DCC: variants seen among roughly 807,000 people sequenced by gnomAD.
DCC encodes the protein DCC netrin 1 receptor, also known as netrin receptor DCC.
DCC carries 58 observed loss-of-function variants against 172.5 expected under a neutral mutation model. That is an observed-to-expected ratio of 0.34 (90% confidence interval 0.27 to 0.42). The LOEUF is 0.42. Ranked by LOEUF, DCC falls within the 10% of genes least tolerant of loss-of-function variation. The pLI is 1.00. For missense variants in DCC, 1,740 were observed against 1,791.0 expected, an observed-to-expected ratio of 0.97 and a Z score of 0.51; for synonymous variants, 709 against 644.5, an observed-to-expected ratio of 1.10 and a Z score of -1.52.
chr18:53,314,556 T>C (rs1345326066), intron 13 of DCC, among the ~76,000 whole-genome samples: 2 of 152,196 alleles, frequency 1.3e-5, no homozygotes, highest in East Asian at 1.9e-4. Flanking sequence ...TCCTGCTTTA[T>C]TTACAGGGAC....
chr18:52,893,618 T>C (rs2039684979), intron 2 of DCC, among the ~76,000 whole-genome samples: 1 of 152,190 alleles, frequency 6.6e-6, no homozygotes, highest in South Asian at 2.1e-4. Flanking sequence ...TGGATGTGAA[T>C]TCTGTATTCC....
chr18:53,202,735 C>A (rs560998118), intron 9 of DCC, among the ~76,000 whole-genome samples: 3 of 152,046 alleles, frequency 2.0e-5, no homozygotes, highest in Non-Finnish European at 2.9e-5. Context: ...ATAAATGAGG[C>A]CAGAGAGAGA....
chr18:53,449,055 T>C (rs2045373037), intron 22 of DCC, among the ~76,000 whole-genome samples: 1 of 152,210 alleles, frequency 6.6e-6, no homozygotes, highest in South Asian at 2.1e-4. Context: ...AAGTATTACA[T>C]TCTTTATACA....
At chr18:52,487,456 A>G (rs2030281936) in intron 1 of DCC, among the ~76,000 whole-genome samples, 1 of 152,132 alleles carries the variant, frequency 6.6e-6, no homozygotes, top group African/African-American at 2.4e-5. Context: ...GGATGCTGTG[A>G]TTAACAATAA....
At chr18:53,317,486 T>C (rs2144815283) in intron 13 of DCC, among the ~76,000 whole-genome samples, 1 of 152,338 alleles carries the variant, frequency 6.6e-6, no homozygotes, top group East Asian at 1.9e-4. Context: ...AGGATGATGC[T>C]GGCCTCATAA....
intron 1 of DCC, among the ~76,000 whole-genome samples, chr18:52,488,378 GT>G (rs1452923002): frequency 6.6e-6 from 1 of 152,148 alleles, no homozygotes; most frequent in African/African-American, 2.4e-5. Flanking sequence ...ACGTAACTGG[GT>G]TTTTTCCTCC....
intron 7 of DCC, among the ~76,000 whole-genome samples, chr18:53,093,810 T>C (rs1429745347): frequency 1.3e-5 from 2 of 152,170 alleles, no homozygotes; most frequent in Non-Finnish European, 2.9e-5. Context: ...GAGCTTCATC[T>C]ATTAGGCATG....
chr18:52,718,976 C>G (rs1034438683), intron 1 of DCC, among the ~76,000 whole-genome samples: 10 of 152,156 alleles, frequency 6.6e-5, no homozygotes, highest in Admixed American at 6.5e-4. Flanking sequence ...ATCAAGATGT[C>G]AGCAGGTCCA....
At chr18:52,497,064 G>A (rs2144616378) in intron 1 of DCC, among the ~76,000 whole-genome samples, 1 of 151,048 alleles carries the variant, frequency 6.6e-6, no homozygotes, top group African/African-American at 2.4e-5. Context: ...GACCAGCCTG[G>A]ACAACATGAC....
chr18:53,100,095 C>T (rs1422975879), intron 7 of DCC, among the ~76,000 whole-genome samples: 2 of 151,758 alleles, frequency 1.3e-5, no homozygotes, highest in African/African-American at 4.8e-5. Context: ...TATAGGCAGG[C>T]ACCACCACGC....
intron 12 of DCC, among the ~76,000 whole-genome samples, chr18:53,272,015 G>T (rs1338939596): frequency 1.3e-5 from 2 of 152,158 alleles, no homozygotes; most frequent in Admixed American, 6.5e-5. Flanking sequence ...CAGTCAGTTT[G>T]CTGTGTTGTG....
intron 1 of DCC, among the ~76,000 whole-genome samples, chr18:52,615,683 AG>A (rs1192351570): frequency 6.6e-6 from 1 of 152,166 alleles, no homozygotes; most frequent in East Asian, 1.9e-4. Context: ...CTAATCATCA[AG>A]GAAGTTTGGT....
intron 1 of DCC, among the ~76,000 whole-genome samples, chr18:52,353,987 T>G (rs1365553064): frequency 6.6e-6 from 1 of 152,132 alleles, no homozygotes. Context: ...AAACTATAGC[T>G]TAGGAAAGAT....
intron 1 of DCC, among the ~76,000 whole-genome samples, chr18:52,671,431 A>T (rs1266750770): frequency 6.6e-6 from 1 of 151,612 alleles, no homozygotes. Flanking sequence ...TCTTTCCAAT[A>T]TGCCTTTAAA....
intron 1 of DCC, among the ~76,000 whole-genome samples, chr18:52,416,995 T>A (rs1598801343): frequency 6.6e-6 from 1 of 152,332 alleles, no homozygotes; most frequent in East Asian, 1.9e-4. Context: ...TGGCATGATT[T>A]TGCAGTGGCT....
chr18:53,234,089 A>G (rs2056163700), intron 12 of DCC, among the ~76,000 whole-genome samples: 1 of 152,250 alleles, frequency 6.6e-6, no homozygotes, highest in South Asian at 2.1e-4. Flanking sequence ...CATCTCTACT[A>G]AAAATACAAA....
At chr18:53,246,550 T>G (rs1209278368) in intron 12 of DCC, among the ~76,000 whole-genome samples, 1 of 151,874 alleles carries the variant, frequency 6.6e-6, no homozygotes, top group African/African-American at 2.4e-5. Flanking sequence ...GAATTAAAAG[T>G]AAAAATATAT....
At position 52,609,452 on chromosome 18, in the gene DCC, A is replaced by G. The variant is rs573748324; in HGVS notation, c.92-142602A>G. ...TTCACTCCATTTGTAATTAACATGT[A>G]TTAAGCATCCTAAGGCTTGGCTGTA... is the stretch of plus-strand genomic sequence containing the variant. On this transcript the variant is annotated intron_variant, in intron 1 of 28. Coordinates refer to ENST00000442544, the MANE Select transcript of DCC (RefSeq NM_005215.4). Among the ~76,000 whole-genome samples the G allele has an allele frequency of 2.3e-4, 35 of 152,150 alleles. 1 individual carries two copies. The highest frequency in any genetic ancestry group is 8.2e-4 in the African/African-American group (34 of 41,496).
chr18:52,813,244 A>AAAGACAGAGTTGTCTAGCCTTAACATTT (rs138749433), intron 2 of DCC, among the ~76,000 whole-genome samples: 31,863 of 152,030 alleles, frequency 0.21, 3,651 homozygotes, highest in Middle Eastern at 0.34. Flanking sequence ...GTAGTTCACT[A>AAAGACAGAGTTGTCTAGCCTTAACATTT]AATGCCACAT....
Sources: gnomAD v4.1 joint callset for allele counts (sites outside exome capture counted in the v4.1 genomes callset) on GRCh38, gnomAD v4.1.1 for gene constraint, MANE v1.5 for transcripts, NCBI Gene and HGNC (gene_info 2026-07-23, HGNC 2026-07-21) for gene names.